Variants in RNF217 observed in about 807,000 individuals in gnomAD.
RNF217 encodes E3 ubiquitin-protein ligase RNF217.
RNF217 carries 31 observed loss-of-function variants against 57.8 expected under a neutral mutation model. The ratio of observed to expected loss-of-function variants is 0.54; its 90% CI spans 0.40 to 0.72. The LOEUF is 0.72. Ranked by LOEUF, RNF217 falls within the 30% of genes least tolerant of loss-of-function variation. The pLI is 0.00. For synonymous variants in RNF217, 313 were observed against 294.0 expected (o/e 1.06, Z -0.66); for missense variants, 696 against 708.3 (o/e 0.98, Z 0.20).
At chr6:125,020,041 C>T (rs889142221) in intron 1 of RNF217, among the ~76,000 whole-genome samples, 3 of 152,042 alleles carry the variant, frequency 2.0e-5, no homozygotes, top group Non-Finnish European at 4.4e-5. Flanking sequence ...CTCTTGGTGC[C>T]GCTTTTCCCA....
At position 125,057,983 on chromosome 6, in the gene RNF217, C is replaced by T; in HGVS notation, c.1158C>T (p.Cys386=). The part of the protein sequence containing the change: ...PTCQFVWCFK[C]HSPWHEGVNC... ...GCCAATTCGTCTGGTGTTTTAAGTG[C>T]CACTCTCCTTGGCATGAAGGTGTTA... Residue 386 remains cysteine, a synonymous_variant, in exon 3 of 6, where the codon TGC becomes TGT. Coordinates refer to ENST00000521654, the MANE Select transcript of RNF217 (RefSeq NM_001286398.3). 6.2e-7 allele frequency: 1 copy of T among 1,611,970 alleles called. No individual in the cohort carries two copies.
intron 3 of RNF217, among the ~76,000 whole-genome samples, chr6:125,061,503 G>A (rs1238419362): frequency 6.6e-6 from 1 of 151,050 alleles, no homozygotes; most frequent in East Asian, 1.9e-4. Context: ...GACAGATTGG[G>A]GCATATTTTT....
intron 2 of RNF217, among the ~76,000 whole-genome samples, chr6:125,056,564 A>C (rs1787531144): frequency 2.0e-5 from 3 of 152,226 alleles, no homozygotes; most frequent in Non-Finnish European, 4.4e-5. Flanking sequence ...AGTTATTAAC[A>C]GAAGAGCTGT....
At chr6:125,045,498 G>C in intron 2 of RNF217, 54 bp downstream of exon 2, 1 of 1,367,940 alleles carries the variant, frequency 7.3e-7, no homozygotes, top group Non-Finnish European at 1.0e-6. Context: ...GAAGCAGCCA[G>C]ATTAGATCCA....
chr6:124,998,899 C>T (rs1388787848), intron 1 of RNF217, among the ~76,000 whole-genome samples: 1 of 152,138 alleles, frequency 6.6e-6, no homozygotes, highest in Non-Finnish European at 1.5e-5. Context: ...TCACTTTGGT[C>T]CAGAACAATG....
At chr6:124,983,200 G>A (rs1036294269) in intron 1 of RNF217, among the ~76,000 whole-genome samples, 1 of 152,038 alleles carries the variant, frequency 6.6e-6, no homozygotes, top group African/African-American at 2.4e-5. Flanking sequence ...CTTATGAGTG[G>A]GCCCATAACA....
intron 1 of RNF217, chr6:125,009,521 A>G (rs1449478053): frequency 2.2e-5 from 9 of 409,218 alleles, no homozygotes; most frequent in Non-Finnish European, 3.9e-5. Flanking sequence ...AGCTATATCA[A>G]TGTACTCATT....
chr6:124,962,824 G>C lies in RNF217; in HGVS notation c.280G>C (p.Gly94Arg), dbSNP rs762875854. 22 of 1,597,758 alleles carry C rather than the reference G, an allele frequency of 1.4e-5. No homozygotes were observed. The highest frequency in any genetic ancestry group is 1.7e-5 in the Non-Finnish European group (20 of 1,179,626). ...PAQPAGLALT[G>R]PLNPQTLPLQ... is the part of the protein sequence containing the mutation. ...GCAGCCTGCGGGACTGGCACTCACC[G>C]GGCCTCTCAATCCCCAGACCTTGCC... Residue 94 changes from glycine (G) to arginine (R), a missense_variant, in exon 1 of 6, where the codon GGG becomes CGG. By Grantham distance (125) the Gly-to-Arg change is moderately radical. Transcript: ENST00000521654. The surrounding 1 kb of genome is among the most constrained non-coding windows in gnomAD (Gnocchi z 4.6).
intron 1 of RNF217, among the ~76,000 whole-genome samples, chr6:125,036,716 C>T (rs1354630254): frequency 6.6e-6 from 1 of 151,980 alleles, no homozygotes; most frequent in Non-Finnish European, 1.5e-5. Flanking sequence ...TATGAACAGA[C>T]ACTTCTCAAA....
At chr6:125,081,565 C>T (rs492800) in intron 5 of RNF217, 58 bp downstream of exon 5, 680,901 of 1,332,338 alleles carry the variant, frequency 0.51, 179,584 homozygotes, top group African/African-American at 0.67. Context: ...AGAGAGAATA[C>T]GAGTGTAAAT....
chr6:125,052,363 G>T (rs1787359679), intron 2 of RNF217, among the ~76,000 whole-genome samples: 1 of 144,004 alleles, frequency 6.9e-6, no homozygotes, highest in African/African-American at 2.9e-5. Context: ...TTGGTCTGCT[G>T]TTGGTCCTCA....
chr6:125,029,546 C>T (rs1471291708), intron 1 of RNF217, among the ~76,000 whole-genome samples: 2 of 152,096 alleles, frequency 1.3e-5, no homozygotes, highest in East Asian at 1.9e-4. Context: ...GAAAAGGCTC[C>T]GTTGAAGTTT....
Position 124,963,286 on chromosome 6 carries a change from C to T in RNF217, c.742C>T (p.Leu248=). 6.5e-7 allele frequency: 1 copy of T among 1,535,936 alleles called. No individual in the cohort carries two copies. Among genetic ancestry groups the T allele is most frequent in the South Asian group, 1.2e-5 (1 of 84,020 alleles). The change falls in exon 1 of 6, where the codon CTG becomes TTG. Residue 248 remains leucine (L), a synonymous_variant. Transcript: ENST00000521654. The part of the protein sequence containing the change: ...SLLGAPPYSG[L]GGVGDPYVPL... The stretch of plus-strand genomic sequence containing the variant: ...GTTGGGAGCTCCACCCTACTCTGGC[C>T]TGGGCGGTGTAGGGGATCCCTATGT...
At chr6:125,027,579 G>A (rs913019239) in intron 1 of RNF217, among the ~76,000 whole-genome samples, 17 of 152,028 alleles carry the variant, frequency 1.1e-4, no homozygotes, top group South Asian at 2.1e-4. Flanking sequence ...AGGTTGCTTC[G>A]AAATCTTAGC....
chr6:124,979,069 A>G (rs1198582903), intron 1 of RNF217, among the ~76,000 whole-genome samples: 3 of 152,184 alleles, frequency 2.0e-5, no homozygotes, highest in Admixed American at 6.5e-5. Context: ...AGATGGTGAT[A>G]GAAGTTCTCA....
chr6:124,998,486 T>G (rs1784834257), intron 1 of RNF217, among the ~76,000 whole-genome samples: 1 of 152,210 alleles, frequency 6.6e-6, no homozygotes, highest in South Asian at 2.1e-4. Context: ...ATTTTTTTAA[T>G]ATTGGTCATA....
At chr6:125,018,874 G>A (rs1429797563) in intron 1 of RNF217, among the ~76,000 whole-genome samples, 2 of 152,140 alleles carry the variant, frequency 1.3e-5, no homozygotes, top group African/African-American at 4.8e-5. Flanking sequence ...CATACTGAAA[G>A]TAGGGAATCT....
chr6:125,021,545 G>T (rs979431308), intron 1 of RNF217, among the ~76,000 whole-genome samples: 1 of 152,010 alleles, frequency 6.6e-6, no homozygotes, highest in Non-Finnish European at 1.5e-5. Context: ...GATTACAGGC[G>T]TGAGCCACTG....
intron 3 of RNF217, among the ~76,000 whole-genome samples, chr6:125,073,134 T>C (rs944012795): frequency 3.5e-4 from 54 of 152,192 alleles, no homozygotes; most frequent in African/African-American, 1.3e-3. Flanking sequence ...AGTCAAAAAG[T>C]TGAATGTACG....
Sources: allele counts gnomAD v4.1 joint callset (sites outside exome capture counted in the v4.1 genomes callset), GRCh38; gene constraint gnomAD v4.1.1; non-coding constraint Gnocchi (gnomAD v3.1); transcripts MANE v1.5; gene names NCBI Gene and HGNC (gene_info 2026-07-23, HGNC 2026-07-21).